NRROS: variants seen among roughly 807,000 people sequenced by gnomAD.
The protein encoded by NRROS is negative regulator of reactive oxygen species, also known as transforming growth factor beta activator LRRC33.
NRROS carries 6 observed loss-of-function variants against 12.0 expected under a neutral mutation model. That is an observed-to-expected ratio of 0.50 (90% confidence interval 0.27 to 0.98). The LOEUF (loss-of-function observed/expected upper bound fraction) is 0.98, where lower values mean the gene tolerates loss of function less well. Ranked by LOEUF, NRROS falls within the 50% of genes least tolerant of loss-of-function variation. The probability of loss-of-function intolerance (pLI) is 0.11; values close to 1 mark genes in which losing one functional copy is unlikely to be tolerated. For missense variants in NRROS, 857 were observed against 888.2 expected (o/e 0.96, Z 0.45); for synonymous variants, 462 against 410.2 (o/e 1.13, Z -1.53).
intron 1 of NRROS, among the ~76,000 whole-genome samples, chr3:196,644,616 G>A (rs1479804112): frequency 2.0e-5 from 3 of 150,448 alleles, no homozygotes. Flanking sequence ...AAAATTACCC[G>A]GGTGTGATGG....
At position 196,646,045 on chromosome 3, in the gene NRROS, C is replaced by T. The variant is rs61158745; in HGVS notation, c.-14+6170C>T. 2.4e-3 allele frequency among the ~76,000 whole-genome samples: 373 copies of T among 152,354 alleles called. 3 individuals carry two copies. Among genetic ancestry groups the T allele is most frequent in the African/African-American group, 8.7e-3 (361 of 41,584 alleles). On this transcript the variant is annotated intron_variant, in intron 1 of 2. Coordinates refer to ENST00000328557, the MANE Select transcript of NRROS (RefSeq NM_198565.3). Reference sequence around the variant, plus strand: ...CCTTGGAAGGCTTGGTGGGGTCCCCCGCCCACTAAACGTGAAGTCCGAACA... The same window carrying T: ...CCTTGGAAGGCTTGGTGGGGTCCCCTGCCCACTAAACGTGAAGTCCGAACA...
chr3:196,658,560 C>T (rs62410653), intron 2 of NRROS, among the ~76,000 whole-genome samples: 14,066 of 152,258 alleles, frequency 0.092, 914 homozygotes, highest in Middle Eastern at 0.16. Flanking sequence ...CTTCTGTTGC[C>T]GTGCTGCACT....
chr3:196,644,845 C>T lies in NRROS; in HGVS notation c.-14+4970C>T, dbSNP rs186261801. On this transcript the variant is annotated intron_variant, in intron 1 of 2. Transcript: ENST00000328557. ...CTGTGTGCCTGTAGCCCCAGCTACT[C>T]GGTAGCCCTAGGTGGGAGGACTACT... Among the ~76,000 whole-genome samples, 187 of 150,634 alleles carry T rather than the reference C, an allele frequency of 1.2e-3. 2 individuals are homozygous for T. The highest frequency in any genetic ancestry group is 3.9e-4 in the East Asian group (2 of 5,152).
chr3:196,661,230 G>A lies in NRROS; in HGVS notation c.1587G>A (p.Ala529=), dbSNP rs200227167. 1.2e-4 allele frequency: 194 copies of A among 1,613,952 alleles called. No individual in the cohort carries two copies. The Middle Eastern group carries it at 2.6e-3, about 22-fold the overall frequency. The change falls in exon 3 of 3, where the codon GCG becomes GCA. Residue 529 remains alanine (A), a synonymous_variant. Transcript: ENST00000328557. The part of the protein sequence containing the change: ...RNMGLHSSFM[A]LDFSGFGNLR... Reference sequence around the variant, plus strand: ...TGGGCCTCCACTCCAGCTTTATGGCGTTGGACTTCTCTGGGTTTGGGAATC... The same window carrying A: ...TGGGCCTCCACTCCAGCTTTATGGCATTGGACTTCTCTGGGTTTGGGAATC...
At position 196,660,217 on chromosome 3, in the gene NRROS, T is replaced by C. The variant is rs759595890; in HGVS notation, c.574T>C (p.Tyr192His). 1.9e-6 allele frequency: 3 copies of C among 1,613,534 alleles called. No individual in the cohort carries two copies. The highest frequency in any genetic ancestry group is 1.7e-6 in the Non-Finnish European group (2 of 1,180,034). ...RLRELDLQRN[Y>H]IFEIEGGAFD... ...CCGGGAGCTGGATCTGCAGAGGAACTACATCTTCGAGATCGAGGGCGGCGC... is the reference window on the plus strand; with the variant it reads ...CCGGGAGCTGGATCTGCAGAGGAACCACATCTTCGAGATCGAGGGCGGCGC... Residue 192 changes from tyrosine to histidine, a missense_variant, in exon 3 of 3, where the codon TAC (tyrosine) becomes CAC (histidine). By Grantham distance (83) the Tyr-to-His change is moderately conservative. Coordinates refer to ENST00000328557, the MANE Select transcript of NRROS (RefSeq NM_198565.3). This position sits in a 1 kb window ranked among gnomAD's most constrained non-coding sequence, Gnocchi z 7.7.
chr3:196,658,887 T>C (rs1737596794), intron 2 of NRROS, among the ~76,000 whole-genome samples: 1 of 152,092 alleles, frequency 6.6e-6, no homozygotes, highest in Non-Finnish European at 1.5e-5. Context: ...GGAGAATTGC[T>C]CGAACCCAGG....
chr3:196,649,889 G>A (rs186745353), intron 1 of NRROS, among the ~76,000 whole-genome samples: 3 of 152,280 alleles, frequency 2.0e-5, no homozygotes, highest in East Asian at 3.9e-4. Flanking sequence ...TTAACTACGT[G>A]GTAACATACG....
intron 1 of NRROS, among the ~76,000 whole-genome samples, chr3:196,653,124 C>T (rs942442188): frequency 6.6e-6 from 1 of 152,108 alleles, no homozygotes; most frequent in Non-Finnish European, 1.5e-5. Flanking sequence ...CTGCTTCTGC[C>T]CTCTCTTCCC....
intron 1 of NRROS, among the ~76,000 whole-genome samples, chr3:196,647,581 C>T (rs1195463044): frequency 6.6e-6 from 1 of 152,276 alleles, no homozygotes; most frequent in Non-Finnish European, 1.5e-5. Context: ...TTTTTTGAGA[C>T]AGAGTCCCAC....
Position 196,661,073 on chromosome 3 carries a change from T to C in NRROS, c.1430T>C (p.Leu477Ser). Residue 477 changes from leucine to serine, a missense_variant, in exon 3 of 3, where the codon TTG becomes TCG. Physicochemically the swap from Leu to Ser is moderately radical, Grantham distance 145. Transcript: ENST00000328557. The part of the protein sequence containing the change: ...LSLEGCGLGA[L>S]PDCPFQGTSL... ...CTGGAGGGCTGTGGCCTGGGGGCAT[T>C]GCCAGACTGCCCATTCCAAGGGACC... 3 of 1,614,152 alleles carry C rather than the reference T, an allele frequency of 1.9e-6. No individual in the cohort carries two copies. In the South Asian group the frequency reaches 3.3e-5, roughly 18 times the overall value.
At chr3:196,651,142 G>A (rs1057386813) in intron 1 of NRROS, among the ~76,000 whole-genome samples, 9 of 152,216 alleles carry the variant, frequency 5.9e-5, no homozygotes, top group Non-Finnish European at 1.3e-4. Context: ...ACTCTTTGCA[G>A]TGCCATGGCT....
chr3:196,657,698 ACT>A (rs1474809378), intron 2 of NRROS, among the ~76,000 whole-genome samples: 1 of 135,728 alleles, frequency 7.4e-6, no homozygotes, highest in Non-Finnish European at 1.6e-5. Flanking sequence ...CAAGAGTGAG[ACT>A]CTGTCTCAAA....
Position 196,661,576 on chromosome 3 carries a change from C to T in NRROS, c.1933C>T (p.Arg645Trp), listed in dbSNP as rs538217990. ...TGTGCCTCGGGACTGCAAGTGGGAGCGGCTGGACCTGGGCCTGCTCTACCT... is the reference window on the plus strand; with the variant it reads ...TGTGCCTCGGGACTGCAAGTGGGAGTGGCTGGACCTGGGCCTGCTCTACCT... The part of the protein sequence containing the change: ...GGVPRDCKWE[R>W]LDLGLLYLVL... Residue 645 changes from arginine (R) to tryptophan (W), a missense_variant, in exon 3 of 3, where the codon CGG becomes TGG. Physicochemically the swap from Arg to Trp is moderately radical, Grantham distance 101. Transcript: ENST00000328557. The T allele has an allele frequency of 1.6e-5, 26 of 1,613,966 alleles. No homozygotes were observed. Among genetic ancestry groups the T allele is most frequent in the Non-Finnish European group, 1.9e-5 (22 of 1,180,018 alleles).
chr3:196,660,177 G>A lies in NRROS; in HGVS notation c.534G>A (p.Glu178=). 1 of 1,613,110 alleles carries A rather than the reference G, an allele frequency of 6.2e-7. No individual in the cohort carries two copies. The highest frequency in any genetic ancestry group is 8.5e-7 in the Non-Finnish European group (1 of 1,180,040). The change falls in exon 3 of 3, where the codon GAG becomes GAA. Residue 178 remains glutamate (E), a synonymous_variant. Coordinates refer to ENST00000328557, the MANE Select transcript of NRROS (RefSeq NM_198565.3). The surrounding 1 kb of genome is among the most constrained non-coding windows in gnomAD (Gnocchi z 7.7). The stretch of plus-strand genomic sequence containing the variant: ...TGCGGCTGGACGACTCCGTCTTCGA[G>A]GGCCTGGAGCGTCTCCGGGAGCTGG... ...TIMRLDDSVF[E]GLERLRELDL...
rs927834410 is a variant in NRROS, at chr3:196,654,862, G to A, written c.108+215G>A. On this transcript the variant is annotated intron_variant, in intron 2 of 2. Transcript: ENST00000328557. This position sits in a 1 kb window ranked among gnomAD's most constrained non-coding sequence, Gnocchi z 4.4. ...AGAGCCAGGCAGTCCCTGCCCCGCC[G>A]TTCTCACGCCTGCTGAGGATAGGAG... The A allele has an allele frequency of 1.7e-5, 9 of 538,134 alleles. No individual in the cohort carries two copies. Among genetic ancestry groups the A allele is most frequent in the African/African-American group, 5.8e-5 (3 of 51,764 alleles). The allele number at this position is 538,134 out of a possible 1,614,324, so 33.3% of individuals were successfully genotyped here.
intron 2 of NRROS, among the ~76,000 whole-genome samples, chr3:196,658,843 G>GCACA (rs1560055693): frequency 3.3e-5 from 5 of 152,120 alleles, no homozygotes; most frequent in Non-Finnish European, 7.4e-5. Flanking sequence ...GGTGGCATGT[G>GCACA]CCTGTAATCC....
chr3:196,642,984 C>G (rs1012530925), intron 1 of NRROS, among the ~76,000 whole-genome samples: 6 of 150,878 alleles, frequency 4.0e-5, no homozygotes, highest in East Asian at 2.0e-4. Context: ...GCAGGAGAGT[C>G]GCTTGAACCT....
rs1314586426 is a variant in NRROS at position 196,660,137 on chromosome 3, C to T, written c.494C>T (p.Ala165Val). 8 of 1,612,956 alleles carry T rather than the reference C, an allele frequency of 5.0e-6. No homozygotes were observed. Among genetic ancestry groups the T allele is most frequent in the Non-Finnish European group, 6.8e-6 (8 of 1,179,904 alleles). ...TCCTCGCTGCGGTCCGTGTCCCTGG[C>T]GGGGAACACCATCATGCGGCTGGAC... ...NLSSLRSVSL[A>V]GNTIMRLDDS... The change falls in exon 3 of 3, where the codon GCG becomes GTG. Residue 165 changes from alanine (A) to valine (V), a missense_variant. Physicochemically the swap from Ala to Val is moderately conservative, Grantham distance 64. Transcript: ENST00000328557. This position sits in a 1 kb window ranked among gnomAD's most constrained non-coding sequence, Gnocchi z 7.7.
intron 1 of NRROS, among the ~76,000 whole-genome samples, chr3:196,641,888 A>C (rs769593720): frequency 1.3e-5 from 2 of 152,210 alleles, no homozygotes; most frequent in African/African-American, 2.4e-5. Context: ...CCACGACTGA[A>C]AACACTGTCT....
Sources: allele counts gnomAD v4.1 joint callset (sites outside exome capture counted in the v4.1 genomes callset), GRCh38; gene constraint gnomAD v4.1.1; non-coding constraint Gnocchi (gnomAD v3.1); transcripts MANE v1.5; gene names NCBI Gene and HGNC (gene_info 2026-07-23, HGNC 2026-07-21).